Variants in DCLK1 observed in about 807,000 individuals in gnomAD.
DCLK1 encodes serine/threonine-protein kinase DCLK1.
DCLK1 carries 16 observed loss-of-function variants against 86.2 expected under a neutral mutation model. The observed-to-expected ratio is 0.19, with a 90% confidence interval of 0.13 to 0.28. The LOEUF is 0.28. Ranked by LOEUF, DCLK1 falls within the 10% of genes least tolerant of loss-of-function variation. The pLI, the probability that DCLK1 is intolerant of heterozygous loss-of-function variation, is 1.00. For synonymous variants in DCLK1, 369 were observed against 370.5 expected, an observed-to-expected ratio of 1.00 and a Z score of 0.05; for missense variants, 590 against 940.2, an observed-to-expected ratio of 0.63 and a Z score of 4.87.
At chr13:36,092,201 T>C (rs1056674716) in intron 3 of DCLK1, among the ~76,000 whole-genome samples, 2 of 151,858 alleles carry the variant, frequency 1.3e-5, no homozygotes, top group Non-Finnish European at 2.9e-5. Context: ...GTTCTGGCTC[T>C]TGAGGTTTTT....
chr13:35,912,946 G>A (rs1471200748), intron 4 of DCLK1, among the ~76,000 whole-genome samples: 1 of 152,196 alleles, frequency 6.6e-6, no homozygotes, highest in Non-Finnish European at 1.5e-5. Flanking sequence ...GCTCCTGCTG[G>A]CGCCCAGAGT....
intron 4 of DCLK1, among the ~76,000 whole-genome samples, chr13:35,897,378 A>G (rs1018205696): frequency 1.3e-5 from 2 of 152,174 alleles, no homozygotes; most frequent in Non-Finnish European, 2.9e-5. Flanking sequence ...GGACCTAGCC[A>G]TGATAGCAAG....
chr13:35,775,879 G>T (rs1268394362), intron 16 of DCLK1, among the ~76,000 whole-genome samples: 1 of 152,134 alleles, frequency 6.6e-6, no homozygotes, highest in Non-Finnish European at 1.5e-5. Flanking sequence ...GGCAATCTTA[G>T]ATCTAAAATA....
At chr13:36,007,675 C>G (rs994290538) in intron 3 of DCLK1, among the ~76,000 whole-genome samples, 27 of 152,012 alleles carry the variant, frequency 1.8e-4, no homozygotes, top group African/African-American at 6.3e-4. Flanking sequence ...GGATCTTTTC[C>G]AAATCCATAC....
intron 13 of DCLK1, 106 bp downstream of exon 13, chr13:35,808,912 G>A (rs1294609078): frequency 1.2e-6 from 1 of 851,946 alleles, no homozygotes; most frequent in Non-Finnish European, 1.7e-6. Flanking sequence ...TAAAGTTCTT[G>A]TGCTCTTTTC....
At chr13:35,783,703 G>A (rs1269120642) in intron 16 of DCLK1, among the ~76,000 whole-genome samples, 1 of 152,036 alleles carries the variant, frequency 6.6e-6, no homozygotes, top group Non-Finnish European at 1.5e-5. Flanking sequence ...TCCTGCCTCA[G>A]CCTCCTGAGT....
At chr13:35,946,496 C>T (rs138138347) in intron 4 of DCLK1, among the ~76,000 whole-genome samples, 74 of 152,326 alleles carry the variant, frequency 4.9e-4, no homozygotes, top group Non-Finnish European at 7.5e-4. Flanking sequence ...ATTGTTAATG[C>T]TCAAGTGTTG....
rs116887242 is a variant in DCLK1, at chr13:35,932,478, G to A, written c.823+14880C>T. On this transcript the variant is annotated intron_variant, in intron 4 of 16. Coordinates refer to ENST00000360631, the MANE Select transcript of DCLK1 (RefSeq NM_001330071.2). ...GTTGATAAAGATATACGTGAGACTG[G>A]GCAATTTACAAAAGAAAGAGGTTTA... Among the ~76,000 whole-genome samples the A allele has an allele frequency of 3.3e-3, 504 of 152,226 alleles. 3 individuals carry two copies. The highest frequency in any genetic ancestry group is 5.9e-3 in the Non-Finnish European group (402 of 68,010).
intron 3 of DCLK1, among the ~76,000 whole-genome samples, chr13:35,991,917 G>C (rs1423050403): frequency 6.6e-6 from 1 of 152,064 alleles, no homozygotes; most frequent in Non-Finnish European, 1.5e-5. Context: ...ACACGGCATT[G>C]ATCAAGCTTT....
intron 4 of DCLK1, among the ~76,000 whole-genome samples, chr13:35,910,412 G>T (rs750203990): frequency 3.3e-5 from 5 of 152,186 alleles, no homozygotes; most frequent in Non-Finnish European, 7.3e-5. Flanking sequence ...CTTTTGTTGG[G>T]TCAATAACCA....
At chr13:36,112,361 A>G (rs1593901608) in intron 2 of DCLK1, 146 bp from the exon 3 acceptor site, 1 of 575,092 alleles carries the variant, frequency 1.7e-6, no homozygotes, top group South Asian at 3.6e-5. Flanking sequence ...ATAATTAGGG[A>G]AAAAGAAAGA....
intron 15 of DCLK1, among the ~76,000 whole-genome samples, chr13:35,803,669 TTGAC>T (rs1352052242): frequency 2.0e-5 from 3 of 152,188 alleles, no homozygotes; most frequent in African/African-American, 7.2e-5. Flanking sequence ...ACCTGACACA[TTGAC>T]TGTGCTTTCA....
intron 4 of DCLK1, among the ~76,000 whole-genome samples, chr13:35,880,351 T>C (rs761687364): frequency 2.6e-5 from 4 of 152,174 alleles, no homozygotes; most frequent in African/African-American, 4.8e-5. Flanking sequence ...ACCCGAGTGT[T>C]GCAGAAGGGC....
chr13:35,976,042 C>T (rs766603295), intron 3 of DCLK1, among the ~76,000 whole-genome samples: 5 of 152,196 alleles, frequency 3.3e-5, no homozygotes, highest in Admixed American at 6.5e-5. Flanking sequence ...GGAGCCAGTC[C>T]TCTAGGGAAC....
intron 3 of DCLK1, among the ~76,000 whole-genome samples, chr13:36,083,854 T>C (rs1884503888): frequency 6.6e-6 from 1 of 152,222 alleles, no homozygotes; most frequent in Non-Finnish European, 1.5e-5. Context: ...AAACATTCTA[T>C]TAAACACAGG....
intron 3 of DCLK1, among the ~76,000 whole-genome samples, chr13:35,954,029 C>A (rs1209688102): frequency 6.6e-6 from 1 of 152,120 alleles, no homozygotes; most frequent in Admixed American, 6.6e-5. Flanking sequence ...CGAATAAATT[C>A]ATTCCATCTA....
intron 6 of DCLK1, chr13:35,848,609 A>G (rs1870384799): frequency 1.0e-6 from 1 of 985,224 alleles, no homozygotes; most frequent in Non-Finnish European, 1.2e-6. Flanking sequence ...CATGGGCTCT[A>G]TATCAATTGG....
At chr13:35,892,064 C>A (rs568224242) in intron 4 of DCLK1, among the ~76,000 whole-genome samples, 1 of 152,140 alleles carries the variant, frequency 6.6e-6, no homozygotes, top group South Asian at 2.1e-4. Context: ...TGGTGGGTAC[C>A]AGCTGAGTCA....
chr13:35,821,232 T>C (rs1035433707), intron 11 of DCLK1, among the ~76,000 whole-genome samples: 5 of 152,210 alleles, frequency 3.3e-5, no homozygotes, highest in Non-Finnish European at 7.3e-5. Context: ...TGAAACGAGA[T>C]AATGACTGTA....
Sources: gnomAD v4.1 joint callset for allele counts (sites outside exome capture counted in the v4.1 genomes callset) on GRCh38, gnomAD v4.1.1 for gene constraint, MANE v1.5 for transcripts, NCBI Gene and HGNC (gene_info 2026-07-23, HGNC 2026-07-21) for gene names.